Variants in OSBP2 observed in about 807,000 individuals in gnomAD.
OSBP2 encodes oxysterol-binding protein 2.
A neutral mutation model predicts 96.0 loss-of-function variants in OSBP2; 66 were observed. The observed-to-expected ratio is 0.69, with a 90% CI of 0.56 to 0.84. The LOEUF is 0.84. Among genes scored for constraint, OSBP2 ranks in the 40% least tolerant of loss-of-function variants. The pLI is 0.00. For synonymous variants in OSBP2, 525 were observed against 520.9 expected (o/e 1.01, Z -0.11); for missense variants, 1,038 against 1,222.7 (o/e 0.85, Z 2.25).
chr22:30,721,652 T>A (rs1452499946), intron 1 of OSBP2, among the ~76,000 whole-genome samples: 1 of 152,204 alleles, frequency 6.6e-6, no homozygotes, highest in Non-Finnish European at 1.5e-5. Flanking sequence ...ATCTATTGTT[T>A]GTGTCAGTGT....
intron 2 of OSBP2, among the ~76,000 whole-genome samples, chr22:30,804,560 A>G (rs1356208147): frequency 1.3e-5 from 2 of 152,220 alleles, no homozygotes; most frequent in African/African-American, 4.8e-5. Flanking sequence ...ATGCATGCCA[A>G]GAATGTGTTA....
intron 12 of OSBP2, among the ~76,000 whole-genome samples, chr22:30,903,143 C>G (rs1468170934): frequency 2.6e-5 from 4 of 152,132 alleles, no homozygotes; most frequent in Non-Finnish European, 4.4e-5. Context: ...CATTTTTCTC[C>G]TTTGCTTTCT....
chr22:30,895,610 G>T lies in OSBP2; in HGVS notation c.2375+1609G>T, dbSNP rs545677178. On this transcript the variant is annotated intron_variant, in intron 12 of 13. Transcript: ENST00000332585. ...ATGGGGCCATATCCTTAGGCACGCAGCCTCGGAAGTTTTGCCACACAAAAA... is the reference window on the plus strand; with the variant it reads ...ATGGGGCCATATCCTTAGGCACGCATCCTCGGAAGTTTTGCCACACAAAAA... Among the ~76,000 whole-genome samples the T allele has an allele frequency of 1.4e-3, 214 of 152,280 alleles. 9 individuals are homozygous for T. The East Asian group carries it at 0.037, about 26-fold the overall frequency.
Position 30,887,463 on chromosome 22 carries a change from G to A in OSBP2, c.1145G>A (p.Ser382Asn), listed in dbSNP as rs779291599. 5.0e-6 allele frequency: 8 copies of A among 1,613,846 alleles called. No individual in the cohort carries two copies. The East Asian group carries it at 1.3e-4, about 27-fold the overall frequency. ...TTCTTGGAACTAGCAGAGATACACA[G>A]TCGGAAATGGCAGCGGGCACTGCAG... is the stretch of plus-strand genomic sequence containing the variant. ...RDFLELAEIH[S>N]RKWQRALQYE... The change falls in exon 4 of 14, where the codon AGT (serine) becomes AAT (asparagine). Residue 382 changes from serine (S) to asparagine (N), a missense_variant. This residue lies in a region of OSBP2 where 737 missense variants were observed against 913.3 expected (regional missense o/e 0.81). Transcript: ENST00000332585.
At chr22:30,784,908 G>A (rs1024804950) in intron 2 of OSBP2, among the ~76,000 whole-genome samples, 7 of 152,002 alleles carry the variant, frequency 4.6e-5, no homozygotes, top group Admixed American at 1.3e-4. Context: ...GAGTAGGTGG[G>A]ATTACAGGCA....
chr22:30,826,100 G>A (rs1336245136), intron 2 of OSBP2, among the ~76,000 whole-genome samples: 1 of 152,132 alleles, frequency 6.6e-6, no homozygotes, highest in African/African-American at 2.4e-5. Flanking sequence ...TATTGTTTTT[G>A]ATGATGTGTT....
intron 2 of OSBP2, among the ~76,000 whole-genome samples, chr22:30,781,736 G>T (rs1328630455): frequency 6.6e-6 from 1 of 152,184 alleles, no homozygotes; most frequent in African/African-American, 2.4e-5. Context: ...ACCACAGGAA[G>T]GTTCTGGGCC....
At chr22:30,771,127 C>T (rs1304101619) in intron 2 of OSBP2, among the ~76,000 whole-genome samples, 1 of 152,244 alleles carries the variant, frequency 6.6e-6, no homozygotes, top group Non-Finnish European at 1.5e-5. Context: ...TCCAAGAAGC[C>T]TTCCATGACC....
At chr22:30,778,407 C>T (rs1381360930) in intron 2 of OSBP2, among the ~76,000 whole-genome samples, 1 of 151,940 alleles carries the variant, frequency 6.6e-6, no homozygotes, top group African/African-American at 2.4e-5. Flanking sequence ...GCTGGCTGCT[C>T]TTCAGTTTTT....
At chr22:30,891,930 T>C (rs941137669) in intron 8 of OSBP2, among the ~76,000 whole-genome samples, 4 of 152,026 alleles carry the variant, frequency 2.6e-5, no homozygotes, top group African/African-American at 9.7e-5. Flanking sequence ...TCCAGCTCTT[T>C]TAGAAAGGGG....
chr22:30,822,731 ACCCGGAGGGAGGCCAGG>A (rs2038305998), intron 2 of OSBP2: 1 of 1,510,630 alleles, frequency 6.6e-7, no homozygotes, highest in Non-Finnish European at 8.9e-7. Flanking sequence ...CCGGGCTTCC[ACCCGGAGGGAGGCCAGG>A]CTCCCCGCGC....
At chr22:30,783,412 C>T (rs930228572) in intron 2 of OSBP2, among the ~76,000 whole-genome samples, 1 of 149,816 alleles carries the variant, frequency 6.7e-6, no homozygotes, top group African/African-American at 2.5e-5. Context: ...AAACCTCCAC[C>T]TCCTGGGTTC....
At chr22:30,788,415 C>T (rs1461484384) in intron 2 of OSBP2, among the ~76,000 whole-genome samples, 2 of 152,120 alleles carry the variant, frequency 1.3e-5, no homozygotes, top group African/African-American at 2.4e-5. Context: ...CCATTTGCAA[C>T]GTGGGGAGCT....
At chr22:30,838,947 T>C (rs1326450707) in intron 2 of OSBP2, among the ~76,000 whole-genome samples, 6 of 150,332 alleles carry the variant, frequency 4.0e-5, no homozygotes, top group Non-Finnish European at 7.4e-5. Context: ...TAACTCATCA[T>C]TTAGCATTAG....
At chr22:30,775,795 G>A (rs5997763) in intron 2 of OSBP2, among the ~76,000 whole-genome samples, 11,372 of 151,834 alleles carry the variant, frequency 0.075, 432 homozygotes, top group Middle Eastern at 0.099. Context: ...TTTTTGGGGG[G>A]GAGGTTGTTT....
chr22:30,749,495 C>T (rs2090046843), intron 2 of OSBP2, among the ~76,000 whole-genome samples: 1 of 152,198 alleles, frequency 6.6e-6, no homozygotes, highest in Non-Finnish European at 1.5e-5. Flanking sequence ...ACCACTGGAA[C>T]AAATGAACTT....
At chr22:30,730,799 TATATATATAA>T (rs1569100632) in intron 1 of OSBP2, among the ~76,000 whole-genome samples, 34 of 56,632 alleles carry the variant, frequency 6.0e-4, no homozygotes, top group African/African-American at 1.6e-3. Flanking sequence ...TATATATATA[TATATATATAA>T]TTTTTTTTTT....
intron 2 of OSBP2, among the ~76,000 whole-genome samples, chr22:30,847,417 G>T (rs1045711969): frequency 2.6e-5 from 4 of 151,904 alleles, no homozygotes; most frequent in African/African-American, 7.3e-5. Context: ...GAGCAGCTGG[G>T]ACTACAGGTG....
At chr22:30,832,745 C>T (rs1041682190) in intron 2 of OSBP2, among the ~76,000 whole-genome samples, 5 of 152,124 alleles carry the variant, frequency 3.3e-5, no homozygotes, top group South Asian at 4.1e-4. Flanking sequence ...CAGGGGCCTC[C>T]GAAACATGCT....
Sources: allele counts gnomAD v4.1 joint callset (sites outside exome capture counted in the v4.1 genomes callset), GRCh38; gene constraint gnomAD v4.1.1; regional missense constraint gnomAD v4.1.1; transcripts MANE v1.5; gene names NCBI Gene and HGNC (gene_info 2026-07-23, HGNC 2026-07-21).